The following CAMK4 variants were observed in gnomAD, a reference collection of about 807,000 sequenced individuals.
The protein encoded by CAMK4 is calcium/calmodulin-dependent protein kinase type IV.
CAMK4 carries 22 observed loss-of-function variants against 44.9 expected under a neutral mutation model. The ratio of observed to expected loss-of-function variants is 0.49; its 90% CI spans 0.35 to 0.70. CAMK4 has a LOEUF of 0.70. Ranked by LOEUF, CAMK4 falls within the 30% of genes least tolerant of loss-of-function variation. CAMK4 has a pLI of 0.01. For synonymous variants in CAMK4, 218 were observed against 215.4 expected, an observed-to-expected ratio of 1.01 and a Z score of -0.11; for missense variants, 498 against 586.8, an observed-to-expected ratio of 0.85 and a Z score of 1.56.
At chr5:111,361,151 A>T (rs756709467) in intron 2 of CAMK4, among the ~76,000 whole-genome samples, 1 of 151,916 alleles carries the variant, frequency 6.6e-6, no homozygotes, top group Non-Finnish European at 1.5e-5. Flanking sequence ...CCAGGTTTTT[A>T]TTTTTTCCAT....
chr5:111,266,227 CACACACACACACACAGAA>C (rs1405047310), intron 1 of CAMK4: 3 of 141,308 alleles, frequency 2.1e-5, no homozygotes, highest in African/African-American at 8.4e-5. Flanking sequence ...CACACACACA[CACACACACACACACAGAA>C]AGAGAGAGAG....
chr5:111,364,519 A>G (rs1349892616), intron 2 of CAMK4, among the ~76,000 whole-genome samples: 1 of 152,116 alleles, frequency 6.6e-6, no homozygotes, highest in African/African-American at 2.4e-5. Flanking sequence ...ATAGGTTTGT[A>G]TTTAGAATCT....
chr5:111,293,744 T>G (rs1240767875), intron 1 of CAMK4, among the ~76,000 whole-genome samples: 2 of 120,634 alleles, frequency 1.7e-5, no homozygotes, highest in Non-Finnish European at 3.3e-5. Flanking sequence ...CTGCTCTACT[T>G]TTTTTTTTTT....
intron 7 of CAMK4, among the ~76,000 whole-genome samples, chr5:111,459,070 A>G (rs780684914): frequency 3.3e-5 from 5 of 152,192 alleles, no homozygotes; most frequent in Non-Finnish European, 7.3e-5. Flanking sequence ...CAACTTGGCT[A>G]CTGGTATCAA....
intron 1 of CAMK4, among the ~76,000 whole-genome samples, chr5:111,330,728 C>T (rs1749130913): frequency 2.8e-5 from 1 of 35,090 alleles, no homozygotes; most frequent in Non-Finnish European, 5.0e-5. Flanking sequence ...GAACACCAAT[C>T]CCCCATAGAT....
intron 1 of CAMK4, among the ~76,000 whole-genome samples, chr5:111,249,558 A>G (rs940866953): frequency 6.6e-6 from 1 of 151,096 alleles, no homozygotes; most frequent in Non-Finnish European, 1.5e-5. Context: ...TGACTATGAA[A>G]ATGACTTTCA....
intron 1 of CAMK4, among the ~76,000 whole-genome samples, chr5:111,255,853 C>T (rs1749718549): frequency 6.6e-6 from 1 of 152,120 alleles, no homozygotes; most frequent in Admixed American, 6.5e-5. Flanking sequence ...GCCAACTTCT[C>T]CCAGTGTATT....
At chr5:111,344,983 G>A (rs376593) in intron 2 of CAMK4, among the ~76,000 whole-genome samples, 132,142 of 151,362 alleles carry the variant, frequency 0.87, 57,940 homozygotes, top group East Asian at 1. Flanking sequence ...TGAAATGTAT[G>A]TATATATATG....
intron 5 of CAMK4, among the ~76,000 whole-genome samples, chr5:111,414,793 A>G (rs1407908527): frequency 6.6e-6 from 1 of 152,160 alleles, no homozygotes; most frequent in Non-Finnish European, 1.5e-5. Context: ...TTATTTAATA[A>G]CTAGGAATAA....
chr5:111,301,078 GT>G (rs111428182), intron 1 of CAMK4, among the ~76,000 whole-genome samples: 42 of 146,626 alleles, frequency 2.9e-4, no homozygotes, highest in African/African-American at 7.0e-4. Flanking sequence ...TGGCTTACTG[GT>G]TTTTTTTTTT....
At chr5:111,303,588 G>T (rs1012730514) in intron 1 of CAMK4, among the ~76,000 whole-genome samples, 2 of 120,432 alleles carry the variant, frequency 1.7e-5, no homozygotes, top group African/African-American at 3.7e-5. Flanking sequence ...AGAAATATGG[G>T]ACTATGTGAA....
intron 2 of CAMK4, among the ~76,000 whole-genome samples, chr5:111,344,933 T>C (rs534926561): frequency 4.6e-4 from 70 of 152,066 alleles, no homozygotes; most frequent in African/African-American, 1.7e-3. Flanking sequence ...GATATTCTTT[T>C]ATAACACATT....
chr5:111,456,478 G>A (rs1190333043), intron 7 of CAMK4, among the ~76,000 whole-genome samples: 2 of 144,076 alleles, frequency 1.4e-5, no homozygotes, highest in Admixed American at 7.3e-5. Flanking sequence ...GCGACAGAGC[G>A]AGACTCCATC....
chr5:111,418,305 G>A (rs1483834408), intron 5 of CAMK4, among the ~76,000 whole-genome samples: 1 of 152,134 alleles, frequency 6.6e-6, no homozygotes, highest in African/African-American at 2.4e-5. Flanking sequence ...CAGACATCAA[G>A]TACTTTACAA....
chr5:111,236,705 C>T (rs549910169), intron 1 of CAMK4, among the ~76,000 whole-genome samples: 30 of 152,306 alleles, frequency 2.0e-4, no homozygotes, highest in African/African-American at 7.2e-4. Flanking sequence ...TCTGCCCTTT[C>T]CCCACTCACA....
At chr5:111,480,249 A>AACACAC (rs532395570) in intron 9 of CAMK4, among the ~76,000 whole-genome samples, 12,702 of 121,088 alleles carry the variant, frequency 0.1, 787 homozygotes, top group African/African-American at 0.15. Flanking sequence ...TAGGCATGTA[A>AACACAC]ACACACACAC....
At chr5:111,355,154 A>G (rs918902030) in intron 2 of CAMK4, among the ~76,000 whole-genome samples, 6 of 152,128 alleles carry the variant, frequency 3.9e-5, no homozygotes, top group African/African-American at 1.2e-4. Context: ...GAACACATTA[A>G]GGAAAGTAGC....
intron 5 of CAMK4, among the ~76,000 whole-genome samples, chr5:111,427,657 A>G (rs897189903): frequency 6.6e-6 from 1 of 152,158 alleles, no homozygotes; most frequent in Admixed American, 6.5e-5. Flanking sequence ...TCTGCTTTTC[A>G]AAAGGGATGG....
intron 4 of CAMK4, among the ~76,000 whole-genome samples, chr5:111,384,978 C>T (rs1412459578): frequency 6.6e-6 from 1 of 152,180 alleles, no homozygotes; most frequent in Non-Finnish European, 1.5e-5. Flanking sequence ...GTATTAACCA[C>T]TGTATATTGT....
Sources: gnomAD v4.1 joint callset for allele counts (sites outside exome capture counted in the v4.1 genomes callset) on GRCh38, gnomAD v4.1.1 for gene constraint, MANE v1.5 for transcripts, NCBI Gene and HGNC (gene_info 2026-07-23, HGNC 2026-07-21) for gene names.